The following ZSWIM6 variants were observed in gnomAD, a reference collection of about 807,000 sequenced individuals.
ZSWIM6 encodes the protein zinc finger SWIM domain-containing protein 6.
A neutral mutation model predicts 113.2 loss-of-function variants in ZSWIM6; 9 were observed. The observed-to-expected ratio is 0.08, with a 90% CI of 0.05 to 0.14. The LOEUF is 0.14. Ranked by LOEUF, ZSWIM6 falls within the 10% of genes least tolerant of loss-of-function variation. The probability of loss-of-function intolerance (pLI) is 1.00; values close to 1 mark genes in which losing one functional copy is unlikely to be tolerated. For synonymous variants in ZSWIM6, 611 were observed against 606.5 expected (o/e 1.01, Z -0.11); for missense variants, 1,162 against 1,552.2 (o/e 0.75, Z 4.22).
chr5:61,488,793 A>C (rs1229699105), intron 2 of ZSWIM6, among the ~76,000 whole-genome samples: 3 of 151,152 alleles, frequency 2.0e-5, no homozygotes, highest in African/African-American at 7.3e-5. Flanking sequence ...TTTTTTTTTC[A>C]ATCAACAGTA....
intron 4 of ZSWIM6, among the ~76,000 whole-genome samples, chr5:61,513,615 T>A (rs1203784039): frequency 1.3e-5 from 2 of 152,102 alleles, no homozygotes; most frequent in African/African-American, 4.8e-5. Flanking sequence ...TTAATTTTTT[T>A]ATTTAGGTTC....
At chr5:61,540,882 C>G (rs891811649) in intron 12 of ZSWIM6, among the ~76,000 whole-genome samples, 1 of 148,492 alleles carries the variant, frequency 6.7e-6, no homozygotes, top group Non-Finnish European at 1.5e-5. Flanking sequence ...CCCACAGGGC[C>G]TCTGGGGATA....
At chr5:61,343,514 G>A (rs937868926) in intron 1 of ZSWIM6, among the ~76,000 whole-genome samples, 2 of 152,188 alleles carry the variant, frequency 1.3e-5, no homozygotes, top group African/African-American at 2.4e-5. Context: ...CAGGTTGTAT[G>A]TGATAAATGT....
chr5:61,394,814 C>G (rs1745806497), intron 1 of ZSWIM6, among the ~76,000 whole-genome samples: 2 of 152,102 alleles, frequency 1.3e-5, no homozygotes, highest in African/African-American at 2.4e-5. Context: ...AACAGTTACC[C>G]CCTTTTTCCA....
intron 1 of ZSWIM6, among the ~76,000 whole-genome samples, chr5:61,448,948 A>G (rs1047667943): frequency 1.3e-5 from 2 of 152,172 alleles, no homozygotes; most frequent in Non-Finnish European, 2.9e-5. Context: ...CTGCAAGGAG[A>G]ACCTGCTGGC....
intron 1 of ZSWIM6, among the ~76,000 whole-genome samples, chr5:61,454,476 G>A (rs1747157247): frequency 6.6e-6 from 1 of 151,246 alleles, no homozygotes; most frequent in African/African-American, 2.4e-5. Context: ...GGCTGTTCTT[G>A]AACTCCTGGG....
intron 2 of ZSWIM6, among the ~76,000 whole-genome samples, chr5:61,487,852 AT>A (rs2112209518): frequency 6.6e-6 from 1 of 152,072 alleles, no homozygotes; most frequent in Non-Finnish European, 1.5e-5. Flanking sequence ...TTCTTTTCCA[AT>A]TTGGATGCCT....
chr5:61,399,400 C>T (rs1051712423), intron 1 of ZSWIM6, among the ~76,000 whole-genome samples: 1 of 152,140 alleles, frequency 6.6e-6, no homozygotes, highest in Non-Finnish European at 1.5e-5. Flanking sequence ...GAAATCTCCT[C>T]TTTATTTACC....
Position 61,545,281 on chromosome 5 carries a change from A to C in ZSWIM6, c.*964A>C, listed in dbSNP as rs1749856341. On this transcript the variant is annotated 3_prime_UTR_variant, in exon 14 of 14. Coordinates refer to ENST00000252744, the MANE Select transcript of ZSWIM6 (RefSeq NM_020928.2). ...TGTATACATATATATATGTATACACACAGACACACACACACACCACCAACA... is the reference window on the plus strand; with the variant it reads ...TGTATACATATATATATGTATACACCCAGACACACACACACACCACCAACA... 1 of 151,952 alleles carries C rather than the reference A, an allele frequency of 6.6e-6. No individual in the cohort carries two copies. The highest frequency in any genetic ancestry group is 1.9e-4 in the East Asian group (1 of 5,178). 9.4% of individuals were successfully genotyped at this position (151,952 alleles called of 1,614,324 possible).
chr5:61,504,864 G>A (rs932458244), intron 4 of ZSWIM6, among the ~76,000 whole-genome samples: 8 of 152,138 alleles, frequency 5.3e-5, no homozygotes, highest in Non-Finnish European at 1.2e-4. Flanking sequence ...GCCCTCAATT[G>A]TAGGCTCTGC....
chr5:61,463,980 C>T (rs977525960), intron 1 of ZSWIM6, among the ~76,000 whole-genome samples: 3 of 151,692 alleles, frequency 2.0e-5, no homozygotes, highest in Admixed American at 6.6e-5. Flanking sequence ...TTTGCCTCTC[C>T]TTCATCTATC....
intron 1 of ZSWIM6, among the ~76,000 whole-genome samples, chr5:61,455,697 A>T (rs13185783): frequency 0.39 from 59,511 of 151,938 alleles, 11,807 homozygotes; most frequent in South Asian, 0.45. Flanking sequence ...TTAGTGAGGC[A>T]GTGAGGGCAA....
At chr5:61,404,935 T>A (rs1367369068) in intron 1 of ZSWIM6, among the ~76,000 whole-genome samples, 3 of 152,292 alleles carry the variant, frequency 2.0e-5, no homozygotes, top group African/African-American at 4.8e-5. Flanking sequence ...TTGAGAACTG[T>A]AGGATATGTT....
At chr5:61,444,869 G>A (rs1579999879) in intron 1 of ZSWIM6, among the ~76,000 whole-genome samples, 1 of 152,230 alleles carries the variant, frequency 6.6e-6, no homozygotes, top group South Asian at 2.1e-4. Context: ...CTTCTCCCAG[G>A]TTTGAAGACG....
intron 3 of ZSWIM6, among the ~76,000 whole-genome samples, chr5:61,493,580 G>T (rs1748238143): frequency 6.6e-6 from 1 of 152,118 alleles, no homozygotes; most frequent in Non-Finnish European, 1.5e-5. Context: ...CAATCAGTTG[G>T]AGAGTCAGGA....
intron 1 of ZSWIM6, among the ~76,000 whole-genome samples, chr5:61,440,780 CAG>C (rs1361259715): frequency 6.6e-6 from 1 of 152,110 alleles, no homozygotes; most frequent in Non-Finnish European, 1.5e-5. Context: ...TCAACCAATT[CAG>C]GGAACATTTA....
chr5:61,472,756 G>A lies in ZSWIM6; in HGVS notation c.752G>A (p.Ser251Asn). ...EPETVCNVAISFDRCKITSVT... is the reference protein window; with the variant it reads ...EPETVCNVAINFDRCKITSVT... ...GAAACTGTTTGCAACGTGGCCATCA[G>A]CTTTGATCGTTGCAAGATTACCTCA... The change falls in exon 2 of 14, where the codon AGC becomes AAC. Residue 251 changes from serine to asparagine, a missense_variant. Coordinates refer to ENST00000252744, the MANE Select transcript of ZSWIM6 (RefSeq NM_020928.2). The surrounding 1 kb of genome is among the most constrained non-coding windows in gnomAD (Gnocchi z 4.1). 6.4e-7 allele frequency: 1 copy of A among 1,551,558 alleles called. No homozygotes were observed. The highest frequency in any genetic ancestry group is 1.2e-5 in the South Asian group (1 of 84,010).
chr5:61,346,918 T>A (rs1290188901), intron 1 of ZSWIM6, among the ~76,000 whole-genome samples: 1 of 152,232 alleles, frequency 6.6e-6, no homozygotes, highest in African/African-American at 2.4e-5. Flanking sequence ...TGTAGCAAAG[T>A]ACTTTTATTT....
intron 8 of ZSWIM6, 102 bp from the exon 9 acceptor site, chr5:61,531,363 C>G: frequency 7.5e-7 from 1 of 1,337,066 alleles, no homozygotes; most frequent in Non-Finnish European, 1.0e-6. Flanking sequence ...AGCATTAATC[C>G]ATAATTCATT....
Sources: gnomAD v4.1 joint callset for allele counts (sites outside exome capture counted in the v4.1 genomes callset) on GRCh38, gnomAD v4.1.1 for gene constraint, Gnocchi (gnomAD v3.1) non-coding constraint, MANE v1.5 for transcripts, NCBI Gene and HGNC (gene_info 2026-07-23, HGNC 2026-07-21) for gene names.